PCED1B: variants seen among roughly 807,000 people sequenced by gnomAD.
The protein encoded by PCED1B is PC-esterase domain containing 1B, also known as PC-esterase domain-containing protein 1B.
For synonymous variants in PCED1B, 251 were observed against 246.1 expected (o/e 1.02, Z -0.19); for missense variants, 573 against 573.9 (o/e 1.00, Z 0.02).
chr12:47,092,561 C>T (rs1008067625), intron 1 of PCED1B, among the ~76,000 whole-genome samples: 1 of 151,984 alleles, frequency 6.6e-6, no homozygotes, highest in East Asian at 1.9e-4. Context: ...CAATGTTAGA[C>T]TGAAATGATG....
intron 2 of PCED1B, among the ~76,000 whole-genome samples, chr12:47,191,989 A>G (rs1485553335): frequency 6.6e-6 from 1 of 151,938 alleles, no homozygotes; most frequent in African/African-American, 2.4e-5. Flanking sequence ...CTCTCTGTAC[A>G]TCCTCATTAA....
Position 47,236,057 on chromosome 12 carries a change from C to G in PCED1B, c.994C>G (p.Arg332Gly). ...PPILHHQGMP[R>G]FPQGPPDACF... ...CATTCTCCATCACCAGGGAATGCCC[C>G]GGTTCCCACAGGGTCCCCCAGATGC... The change falls in exon 4 of 4, where the codon CGG becomes GGG. Residue 332 changes from arginine to glycine, a missense_variant. Arg to Gly is a moderately radical substitution (Grantham distance 125, BLOSUM62 -2). Coordinates refer to ENST00000546455, the MANE Select transcript of PCED1B (RefSeq NM_138371.3). 2 of 1,614,052 alleles carry G rather than the reference C, an allele frequency of 1.2e-6. No individual in the cohort carries two copies. Among genetic ancestry groups the G allele is most frequent in the Non-Finnish European group, 1.7e-6 (2 of 1,180,002 alleles).
chr12:47,111,555 G>T (rs953455136), intron 2 of PCED1B, among the ~76,000 whole-genome samples: 1 of 151,510 alleles, frequency 6.6e-6, no homozygotes, highest in African/African-American at 2.4e-5. Flanking sequence ...TTGCAAAATC[G>T]AAACTCCAAA....
intron 2 of PCED1B, among the ~76,000 whole-genome samples, chr12:47,213,616 G>T (rs917944724): frequency 2.0e-5 from 3 of 152,182 alleles, no homozygotes; most frequent in Non-Finnish European, 4.4e-5. Context: ...TTTCTCTGTG[G>T]CTATAACTAC....
chr12:47,188,005 C>A (rs1942326724), intron 2 of PCED1B: 3 of 154,212 alleles, frequency 1.9e-5, no homozygotes, highest in African/African-American at 7.2e-5. Context: ...GCAACAAGTT[C>A]TTTGCCCTAT....
chr12:47,094,485 G>C (rs959010458), intron 1 of PCED1B, among the ~76,000 whole-genome samples: 1 of 151,084 alleles, frequency 6.6e-6, no homozygotes, highest in Non-Finnish European at 1.5e-5. Flanking sequence ...TATTCCTTTT[G>C]TTGTCATTTT....
chr12:47,167,958 C>T (rs76252266), intron 2 of PCED1B, among the ~76,000 whole-genome samples: 4,642 of 152,120 alleles, frequency 0.031, 98 homozygotes, highest in South Asian at 0.071. Context: ...GGGAAAGGGG[C>T]AAGGAGTAGC....
intron 3 of PCED1B, among the ~76,000 whole-genome samples, chr12:47,222,121 A>G (rs1257781726): frequency 7.8e-5 from 11 of 140,422 alleles, no homozygotes; most frequent in Non-Finnish European, 1.5e-4. Flanking sequence ...AAAATTAAAA[A>G]AAAAAAAAAA....
chr12:47,151,387 ATAGCC>A (rs1260807337), intron 2 of PCED1B, among the ~76,000 whole-genome samples: 2 of 152,228 alleles, frequency 1.3e-5, no homozygotes, highest in Non-Finnish European at 2.9e-5. Flanking sequence ...GCTATACCAT[ATAGCC>A]TAGGTGTGTG....
At chr12:47,105,501 T>G (rs1938907286) in intron 2 of PCED1B, among the ~76,000 whole-genome samples, 1 of 152,084 alleles carries the variant, frequency 6.6e-6, no homozygotes, top group South Asian at 2.1e-4. Flanking sequence ...CATGCAGCAT[T>G]GGTAGAAATG....
intron 3 of PCED1B, among the ~76,000 whole-genome samples, chr12:47,221,402 T>A (rs1047050911): frequency 1.3e-4 from 19 of 150,462 alleles, no homozygotes; most frequent in Non-Finnish European, 2.4e-4. Flanking sequence ...TGGTCTTGAA[T>A]TCCTGGGCCA....
chr12:47,092,090 A>C (rs1170089476), intron 1 of PCED1B, among the ~76,000 whole-genome samples: 1 of 152,122 alleles, frequency 6.6e-6, no homozygotes, highest in Non-Finnish European at 1.5e-5. Context: ...TGTAGCTTAG[A>C]TTTTGACCAA....
intron 2 of PCED1B, among the ~76,000 whole-genome samples, chr12:47,201,659 T>G (rs1942768006): frequency 1.3e-5 from 2 of 151,928 alleles, no homozygotes; most frequent in Middle Eastern, 3.2e-3. Flanking sequence ...AATGCAATGG[T>G]GCGATCTTGG....
At chr12:47,225,807 A>G (rs962052246) in intron 3 of PCED1B, among the ~76,000 whole-genome samples, 2 of 152,212 alleles carry the variant, frequency 1.3e-5, no homozygotes. Context: ...TTTAGTGACT[A>G]TCTCTGTGGT....
intron 2 of PCED1B, chr12:47,209,082 G>T (rs941976954): frequency 5.3e-5 from 8 of 152,322 alleles, no homozygotes; most frequent in Non-Finnish European, 8.8e-5. Flanking sequence ...ACACAGTGAG[G>T]TGTCTGGTTG....
intron 2 of PCED1B, among the ~76,000 whole-genome samples, chr12:47,116,376 T>C (rs755954763): frequency 2.0e-5 from 3 of 152,182 alleles, no homozygotes; most frequent in Non-Finnish European, 4.4e-5. Context: ...ACTTTCTAGG[T>C]CACAGTATGG....
chr12:47,235,157 G>T lies in PCED1B; in HGVS notation c.94G>T (p.Asp32Tyr). 1 of 1,582,342 alleles carries T rather than the reference G, an allele frequency of 6.3e-7. No homozygotes were observed. The highest frequency in any genetic ancestry group is 8.6e-7 in the Non-Finnish European group (1 of 1,163,634). Residue 32 changes from aspartate (D) to tyrosine (Y), a missense_variant, in exon 4 of 4, where the codon GAC becomes TAC. Physicochemically the swap from Asp to Tyr is radical, Grantham distance 160. Transcript: ENST00000546455. ...CTCTGTGCATAGGGCAGTATACAAGGACCTGGTGCTTCTGCTGCAGAAGGA... is the reference window on the plus strand; with the variant it reads ...CTCTGTGCATAGGGCAGTATACAAGTACCTGGTGCTTCTGCTGCAGAAGGA... ...GDSVHRAVYK[D>Y]LVLLLQKDRL...
chr12:47,129,967 C>G (rs762649585), intron 2 of PCED1B, among the ~76,000 whole-genome samples: 3 of 152,196 alleles, frequency 2.0e-5, no homozygotes, highest in Non-Finnish European at 4.4e-5. Context: ...GTCTTGAGTT[C>G]TGCCCAAAGA....
chr12:47,198,538 G>A (rs1433615750), intron 2 of PCED1B, among the ~76,000 whole-genome samples: 2 of 151,902 alleles, frequency 1.3e-5, no homozygotes, highest in South Asian at 2.1e-4. Flanking sequence ...ATTCAGCATT[G>A]TACTGGAAGC....
Sources: allele counts gnomAD v4.1 joint callset (sites outside exome capture counted in the v4.1 genomes callset), GRCh38; gene constraint gnomAD v4.1.1; transcripts MANE v1.5; gene names NCBI Gene and HGNC (gene_info 2026-07-23, HGNC 2026-07-21).